VMP1: variants seen among roughly 807,000 people sequenced by gnomAD.
The protein encoded by VMP1 is ectopic P-granules autophagy protein 3 homolog.
VMP1 carries 11 observed loss-of-function variants against 56.0 expected under a neutral mutation model. The observed-to-expected ratio is 0.20, with a 90% CI of 0.12 to 0.32. VMP1 has a LOEUF of 0.32. Ranked by LOEUF, VMP1 falls within the 10% of genes least tolerant of loss-of-function variation. VMP1 has a pLI of 1.00. For synonymous variants in VMP1, 149 were observed against 165.0 expected (o/e 0.90, Z 0.74); for missense variants, 296 against 490.3 (o/e 0.60, Z 3.74).
chr17:59,735,783 A>G, intron 3 of VMP1: 1 of 258,034 alleles, frequency 3.9e-6, no homozygotes, highest in Non-Finnish European at 7.7e-6. Context: ...ATTGGGAGAA[A>G]TCAGGTCTGT....
chr17:59,754,054 TTG>T (rs2035750595), intron 5 of VMP1, among the ~76,000 whole-genome samples: 1 of 152,080 alleles, frequency 6.6e-6, no homozygotes, highest in Non-Finnish European at 1.5e-5. Flanking sequence ...ACAAAGAAAA[TTG>T]TGAGATACGT....
In VMP1 at chr17:59,841,889, T is replaced by C. The variant is rs1309269820; in HGVS notation, c.*1978T>C. The stretch of plus-strand genomic sequence containing the variant: ...GTATTATTAAATAGAAAAAAAAAAT[T>C]TTGTTTCCTAGGTTGAAGGTCTAAT... On this transcript the variant is annotated 3_prime_UTR_variant, in exon 12 of 12. Coordinates refer to ENST00000262291, the MANE Select transcript of VMP1 (RefSeq NM_030938.5). The C allele has an allele frequency of 6.6e-6, 1 of 152,136 alleles. No individual in the cohort carries two copies. Among genetic ancestry groups the C allele is most frequent in the Non-Finnish European group, 1.5e-5 (1 of 68,030 alleles). 9.4% of individuals were successfully genotyped at this position (152,136 alleles called of 1,614,324 possible).
intron 7 of VMP1, among the ~76,000 whole-genome samples, chr17:59,788,038 T>TA (rs2037068208): frequency 1.3e-5 from 2 of 152,238 alleles, no homozygotes; most frequent in African/African-American, 4.8e-5. Flanking sequence ...AAACTAAATT[T>TA]AAAAAAATTA....
chr17:59,791,937 T>C (rs920912505), intron 7 of VMP1, among the ~76,000 whole-genome samples: 2 of 152,168 alleles, frequency 1.3e-5, no homozygotes, highest in African/African-American at 4.8e-5. Context: ...GAACTTAAAC[T>C]CTGCATTTCT....
chr17:59,822,130 CTG>C (rs1568212764), intron 10 of VMP1, among the ~76,000 whole-genome samples: 1 of 152,104 alleles, frequency 6.6e-6, no homozygotes, highest in East Asian at 1.9e-4. Context: ...GAGTGAGCCA[CTG>C]TGCCCGGCCA....
In VMP1 at chr17:59,807,320, C is replaced by T. The variant is rs1011009935; in HGVS notation, c.715-1476C>T. Among the ~76,000 whole-genome samples, 5 of 151,730 alleles carry T rather than the reference C, an allele frequency of 3.3e-5. No individual in the cohort carries two copies. The South Asian group carries it at 1.0e-3, about 32-fold the overall frequency. On this transcript the variant is annotated intron_variant, in intron 7 of 11. Transcript: ENST00000262291. ...TTGCACCATTCTCCTGCCTCAGCCTCCCGAGTAGCTGGGACTACAGGCGCC... is the reference window on the plus strand; with the variant it reads ...TTGCACCATTCTCCTGCCTCAGCCTTCCGAGTAGCTGGGACTACAGGCGCC...
intron 1 of VMP1, among the ~76,000 whole-genome samples, chr17:59,716,507 C>G (rs2034157241): frequency 6.6e-6 from 1 of 152,054 alleles, no homozygotes; most frequent in African/African-American, 2.4e-5. Flanking sequence ...ACTGAAAATC[C>G]TCTCACTGGA....
chr17:59,709,277 T>C (rs2033813608), intron 1 of VMP1, among the ~76,000 whole-genome samples: 1 of 152,252 alleles, frequency 6.6e-6, no homozygotes. Context: ...TTATGTTCAA[T>C]TGAAGGACTG....
intron 1 of VMP1, among the ~76,000 whole-genome samples, chr17:59,709,321 G>A (rs1218608161): frequency 5.9e-5 from 9 of 151,970 alleles, no homozygotes; most frequent in South Asian, 2.1e-4. Context: ...CCAACTTCTC[G>A]CTTTTGGCTT....
chr17:59,801,944 T>C (rs192496969), intron 7 of VMP1, among the ~76,000 whole-genome samples: 11 of 152,188 alleles, frequency 7.2e-5, no homozygotes, highest in Admixed American at 7.2e-4. Context: ...CTCACGCCTG[T>C]AATCCCAGCA....
At chr17:59,751,927 A>G (rs2035667393) in intron 5 of VMP1, among the ~76,000 whole-genome samples, 1 of 151,470 alleles carries the variant, frequency 6.6e-6, no homozygotes, top group Non-Finnish European at 1.5e-5. Context: ...AGATCTTCCC[A>G]CCTCAGCCTC....
rs1342724580 is a variant in VMP1 at position 59,738,887 on chromosome 17, C to A, written c.354C>A (p.Gly118=). The A allele has an allele frequency of 8.7e-6, 14 of 1,613,056 alleles. No homozygotes were observed. The highest frequency in any genetic ancestry group is 1.2e-5 in the Non-Finnish European group (14 of 1,179,576). ...KQFLLYAYWI[G]LGILSSVGLG... ...TTCTTTTGTATGCCTACTGGATAGGCTTAGGAATTTTGTCTTCTGTTGGGC... is the reference window on the plus strand; with the variant it reads ...TTCTTTTGTATGCCTACTGGATAGGATTAGGAATTTTGTCTTCTGTTGGGC... Residue 118 remains glycine, a synonymous_variant, in exon 5 of 12, where the codon GGC becomes GGA. Coordinates refer to ENST00000262291, the MANE Select transcript of VMP1 (RefSeq NM_030938.5).
intron 5 of VMP1, among the ~76,000 whole-genome samples, chr17:59,739,651 G>T (rs1157546917): frequency 1.3e-5 from 2 of 149,756 alleles, no homozygotes; most frequent in East Asian, 4.0e-4. Flanking sequence ...CTGAACCCGG[G>T]AGGCGGAGCT....
intron 5 of VMP1, among the ~76,000 whole-genome samples, chr17:59,762,243 C>G (rs16943838): frequency 1.3e-5 from 2 of 152,032 alleles, no homozygotes; most frequent in African/African-American, 4.8e-5. Flanking sequence ...GAGTTGGAAC[C>G]TGCTGCTCAG....
intron 7 of VMP1, among the ~76,000 whole-genome samples, chr17:59,775,171 C>G (rs1298119310): frequency 6.6e-6 from 1 of 152,010 alleles, no homozygotes; most frequent in Non-Finnish European, 1.5e-5. Context: ...GTCTTGATCT[C>G]CTGACCTCGC....
intron 6 of VMP1, among the ~76,000 whole-genome samples, chr17:59,765,648 A>G (rs112655450): frequency 0.015 from 2,348 of 152,256 alleles, 53 homozygotes; most frequent in African/African-American, 0.052. Flanking sequence ...GTGGAAACGG[A>G]TCATCATTTC....
intron 1 of VMP1, among the ~76,000 whole-genome samples, chr17:59,720,338 G>A (rs139310460): frequency 3.3e-5 from 5 of 152,124 alleles, no homozygotes; most frequent in South Asian, 2.1e-4. Context: ...AATTTTTGAC[G>A]GATTGTCCTT....
intron 7 of VMP1, among the ~76,000 whole-genome samples, chr17:59,775,962 G>A (rs377665663): frequency 1.7e-4 from 26 of 151,960 alleles, no homozygotes; most frequent in African/African-American, 6.3e-4. Flanking sequence ...CATTATTACC[G>A]AGAACTTTGG....
intron 7 of VMP1, chr17:59,784,914 C>T (rs1330364550): frequency 6.6e-6 from 1 of 151,974 alleles, no homozygotes; most frequent in Non-Finnish European, 1.5e-5. Flanking sequence ...TTTTAATTCA[C>T]ATTGAGTAAA....
Sources: allele counts gnomAD v4.1 joint callset (sites outside exome capture counted in the v4.1 genomes callset), GRCh38; gene constraint gnomAD v4.1.1; transcripts MANE v1.5; gene names NCBI Gene and HGNC (gene_info 2026-07-23, HGNC 2026-07-21).